Variants in VPS37A observed in about 807,000 individuals in gnomAD.
VPS37A encodes the protein vacuolar protein sorting-associated protein 37A.
VPS37A carries 30 observed loss-of-function variants against 49.8 expected under a neutral mutation model. The ratio of observed to expected loss-of-function variants is 0.60; its 90% CI spans 0.45 to 0.82. The LOEUF is 0.82. VPS37A is among the 40% of genes least tolerant of loss of function. The pLI is 0.00. For synonymous variants in VPS37A, 195 were observed against 160.6 expected (o/e 1.21, Z -1.62); for missense variants, 593 against 464.4 (o/e 1.28, Z -2.55).
At chr8:17,273,350 A>G (rs1035558119) in intron 4 of VPS37A, among the ~76,000 whole-genome samples, 2 of 152,158 alleles carry the variant, frequency 1.3e-5, no homozygotes, top group Non-Finnish European at 2.9e-5. Flanking sequence ...CAAATGCTGC[A>G]AAATTGCCCT....
At chr8:17,304,553 AT>A (rs1563315163), downstream of VPS37A, 1 of 1,599,942 alleles carries the variant, frequency 6.3e-7, no homozygotes. Context: ...TAAATGACCT[AT>A]TTTGGTGCTT....
chr8:17,329,044 A>G, the VPS37A span, among the ~76,000 whole-genome samples: 3 of 152,224 alleles, frequency 2.0e-5, no homozygotes, highest in African/African-American at 7.2e-5. Flanking sequence ...AACGCAAACA[A>G]TTTTACTTTT....
intron 11 of VPS37A, among the ~76,000 whole-genome samples, chr8:17,294,472 C>T (rs117531853): frequency 0.078 from 11,897 of 152,188 alleles, 613 homozygotes; most frequent in South Asian, 0.18. Flanking sequence ...GGTTCTGTCT[C>T]GCTGGCATTC....
the VPS37A span, chr8:17,309,134 G>C: frequency 3.2e-6 from 2 of 618,372 alleles, no homozygotes; most frequent in East Asian, 5.5e-5. Flanking sequence ...TCTATGATAT[G>C]ACATATACAA....
chr8:17,317,010 T>C, the VPS37A span, among the ~76,000 whole-genome samples: 1 of 152,230 alleles, frequency 6.6e-6, no homozygotes, highest in Non-Finnish European at 1.5e-5. Flanking sequence ...TAATACTTGG[T>C]AATGCTGATG....
rs199613484 is a variant in VPS37A, at chr8:17,280,409, A to G, written c.935A>G (p.Glu312Gly). Residue 312 changes from glutamate to glycine, a missense_variant, in exon 9 of 12, where the codon GAA (glutamate) becomes GGA (glycine). Coordinates refer to ENST00000324849, the MANE Select transcript of VPS37A (RefSeq NM_152415.3). ...CTTACACAGATGAAGTCCACTTTCG[A>G]AAAGAAGATGCAAAGGCAGCATGAA... Reference protein sequence around the residue: ...ELLTQMKSTFEKKMQRQHELS... With the variant: ...ELLTQMKSTFGKKMQRQHELS... The G allele has an allele frequency of 6.2e-7, 1 of 1,609,474 alleles. No homozygotes were observed.
chr8:17,304,606 A>T, downstream of VPS37A: 1 of 1,427,286 alleles, frequency 7.0e-7, no homozygotes. Flanking sequence ...AAAGGAACTA[A>T]TAATTGTTAC....
At chr8:17,273,998 T>G (rs1390343202) in intron 4 of VPS37A, among the ~76,000 whole-genome samples, 1 of 152,222 alleles carries the variant, frequency 6.6e-6, no homozygotes, top group Non-Finnish European at 1.5e-5. Context: ...ATTCATATAT[T>G]GTATTTAGAT....
At chr8:17,269,015 T>C (rs1813732185) in intron 4 of VPS37A, 59 bp downstream of exon 4, 9 of 1,215,092 alleles carry the variant, frequency 7.4e-6, no homozygotes, top group African/African-American at 1.6e-5. Context: ...TTAATCAAAA[T>C]ATAGTTTAAA....
chr8:17,294,247 C>T (rs183540677), intron 11 of VPS37A, among the ~76,000 whole-genome samples: 7 of 152,298 alleles, frequency 4.6e-5, no homozygotes, highest in Admixed American at 4.6e-4. Context: ...GCTTTGTTTA[C>T]ACTGTGAGGG....
In VPS37A at chr8:17,268,259, T is replaced by G. The variant is rs11555738; in HGVS notation, c.202T>G (p.Leu68Val). The change falls in exon 3 of 12, where the codon TTG becomes GTG. Residue 68 changes from leucine to valine, a missense_variant and splice_region_variant. By Grantham distance (32) the Leu-to-Val change is conservative. Coordinates refer to ENST00000324849, the MANE Select transcript of VPS37A (RefSeq NM_152415.3). ...TTTCATCTGTTCTACCTCTACCAGA[T>G]TGCTTCCTCCACAGTTTCCTCAGGA... ...INNLTININILLPPQFPQEKP... is the reference protein window; with the variant it reads ...INNLTININIVLPPQFPQEKP... 1 of 1,608,782 alleles carries G rather than the reference T, an allele frequency of 6.2e-7. No homozygotes were observed. The highest frequency in any genetic ancestry group is 8.5e-7 in the Non-Finnish European group (1 of 1,176,926).
chr8:17,316,841 G>GTGGA, the VPS37A span, among the ~76,000 whole-genome samples: 37 of 152,012 alleles, frequency 2.4e-4, no homozygotes, highest in Non-Finnish European at 5.9e-5. Flanking sequence ...TTCTGCGTGT[G>GTGGA]TGGATTTGAG....
Position 17,274,957 on chromosome 8 carries a change from C to A in VPS37A, c.641C>A (p.Pro214Gln). The change falls in exon 5 of 12, where the codon CCG becomes CAG. Residue 214 changes from proline (P) to glutamine (Q), a missense_variant and splice_region_variant. Coordinates refer to ENST00000324849, the MANE Select transcript of VPS37A (RefSeq NM_152415.3). Reference protein sequence around the residue: ...LPIPTVDASIPTSQNGFGYKM... With the variant: ...LPIPTVDASIQTSQNGFGYKM... ...ATTCCCACAGTGGATGCTTCAATAC[C>A]GGTTGGTATCGTCAGTTATCTATAT... The A allele has an allele frequency of 6.2e-7, 1 of 1,613,150 alleles. No individual in the cohort carries two copies. Among genetic ancestry groups the A allele is most frequent in the Non-Finnish European group, 8.5e-7 (1 of 1,179,196 alleles).
chr8:17,272,055 A>G (rs190131312), intron 4 of VPS37A: 13 of 456,742 alleles, frequency 2.8e-5, no homozygotes, highest in African/African-American at 1.8e-4. Context: ...AGATCATCCA[A>G]TTCACTAGGT....
chr8:17,284,477 G>A lies in VPS37A; in HGVS notation c.974G>A (p.Cys325Tyr). The change falls in exon 10 of 12, where the codon TGT becomes TAT. Residue 325 changes from cysteine to tyrosine, a missense_variant. Transcript: ENST00000324849. ...MQRQHELSES[C>Y]SASALQARLK... ...GTGCCTGATTTTCTTTTTCAGAGCTGTAGTGCAAGTGCCCTTCAGGCAAGA... is the reference window on the plus strand; with the variant it reads ...GTGCCTGATTTTCTTTTTCAGAGCTATAGTGCAAGTGCCCTTCAGGCAAGA... The A allele has an allele frequency of 6.3e-7, 1 of 1,578,298 alleles. No homozygotes were observed.
the VPS37A span, among the ~76,000 whole-genome samples, chr8:17,328,267 G>T: frequency 4.6e-5 from 7 of 152,098 alleles, no homozygotes; most frequent in African/African-American, 1.7e-4. Context: ...AACAAGTGGA[G>T]AGATGCAAGT....
At position 17,280,552 on chromosome 8, in the gene VPS37A, G is replaced by C. The variant is rs1390896620; in HGVS notation, c.969+109G>C. Reference sequence around the variant, plus strand: ...ATCAGAAACCATTTATGAGGTATCTGACCTTATAAGACATGATACCTTTAA... The same window carrying C: ...ATCAGAAACCATTTATGAGGTATCTCACCTTATAAGACATGATACCTTTAA... On this transcript the variant is annotated intron_variant, in intron 9 of 11. Transcript: ENST00000324849. 5 of 953,386 alleles carry C rather than the reference G, an allele frequency of 5.2e-6. No homozygotes were observed. The East Asian group carries it at 1.1e-4, about 20-fold the overall frequency. 59.1% of individuals were successfully genotyped at this position (953,386 alleles called of 1,614,324 possible). A position where few individuals can be genotyped will look rare whatever the true frequency, so the allele number is the denominator to read the frequency against.
the VPS37A span, among the ~76,000 whole-genome samples, chr8:17,310,529 C>CT: frequency 3.3e-5 from 5 of 152,148 alleles, no homozygotes; most frequent in Non-Finnish European, 5.9e-5. Flanking sequence ...CAGTGTGTGA[C>CT]TGGCAACCTC....
rs992654556 is a variant in VPS37A, at chr8:17,265,472, C to T, written c.126-435C>T. The stretch of plus-strand genomic sequence containing the variant: ...TCCTCTGTCATAAGATTGTAGGATG[C>T]GTCTCATCTAGACTTTTAAGTTCAA... On this transcript the variant is annotated intron_variant, in intron 1 of 11. Transcript: ENST00000324849. Among the ~76,000 whole-genome samples, 9 of 152,272 alleles carry T rather than the reference C, an allele frequency of 5.9e-5. No individual in the cohort carries two copies. The South Asian group carries it at 6.2e-4, about 11-fold the overall frequency.
Sources: gnomAD v4.1 joint callset for allele counts (sites outside exome capture counted in the v4.1 genomes callset) on GRCh38, gnomAD v4.1.1 for gene constraint, MANE v1.5 for transcripts, NCBI Gene and HGNC (gene_info 2026-07-23, HGNC 2026-07-21) for gene names.